Variants in ROBO2 observed in about 807,000 individuals in gnomAD.
ROBO2 encodes the protein roundabout homolog 2.
ROBO2 carries 53 observed loss-of-function variants against 160.8 expected under a neutral mutation model. The ratio of observed to expected loss-of-function variants is 0.33; its 90% CI spans 0.26 to 0.41. ROBO2 has a LOEUF of 0.41. Ranked by LOEUF, ROBO2 falls within the 10% of genes least tolerant of loss-of-function variation. The probability of loss-of-function intolerance (pLI) is 1.00; values close to 1 mark genes in which losing one functional copy is unlikely to be tolerated. For synonymous variants in ROBO2, 664 were observed against 611.7 expected, an observed-to-expected ratio of 1.09 and a Z score of -1.26; for missense variants, 1,577 against 1,722.4, an observed-to-expected ratio of 0.92 and a Z score of 1.49.
intron 2 of ROBO2, among the ~76,000 whole-genome samples, chr3:77,473,995 T>C (rs1468429984): frequency 6.6e-6 from 1 of 152,074 alleles, no homozygotes; most frequent in East Asian, 1.9e-4. Context: ...CCAAAGTTTC[T>C]TACCTGCCTA....
chr3:76,588,866 CTT>C (rs2086230962), intron 2 of ROBO2, among the ~76,000 whole-genome samples: 2 of 152,172 alleles, frequency 1.3e-5, no homozygotes, highest in Non-Finnish European at 2.9e-5. Context: ...TAATTGTTGT[CTT>C]TGTGATCATT....
chr3:77,135,118 A>G (rs1425115713), intron 2 of ROBO2, among the ~76,000 whole-genome samples: 1 of 152,204 alleles, frequency 6.6e-6, no homozygotes, highest in African/African-American at 2.4e-5. Flanking sequence ...TTGCGCAGCA[A>G]TTACACCTCC....
At chr3:76,845,109 G>A (rs1318746854) in intron 2 of ROBO2, among the ~76,000 whole-genome samples, 2 of 151,724 alleles carry the variant, frequency 1.3e-5, no homozygotes, top group Non-Finnish European at 2.9e-5. Flanking sequence ...TAATAACCTT[G>A]GCTAAAACAA....
At chr3:77,297,506 T>G (rs879867672) in intron 2 of ROBO2, among the ~76,000 whole-genome samples, 5 of 152,110 alleles carry the variant, frequency 3.3e-5, no homozygotes. Flanking sequence ...TACAGGCAGA[T>G]CTGGTTAAAG....
At chr3:76,498,164 C>T (rs1222274450) in intron 2 of ROBO2, among the ~76,000 whole-genome samples, 1 of 152,070 alleles carries the variant, frequency 6.6e-6, no homozygotes, top group Admixed American at 6.6e-5. Context: ...TATATGTACT[C>T]CAAACATTAT....
chr3:77,546,132 G>A (rs552339001), intron 6 of ROBO2, among the ~76,000 whole-genome samples: 11 of 152,170 alleles, frequency 7.2e-5, no homozygotes, highest in Admixed American at 2.6e-4. Context: ...TATAAAATAC[G>A]TCTGCTAAAA....
At chr3:76,086,009 C>T (rs76242826) in intron 2 of ROBO2, among the ~76,000 whole-genome samples, 3,655 of 152,194 alleles carry the variant, frequency 0.024, 143 homozygotes, top group African/African-American at 0.082. Context: ...AGGGACTAAC[C>T]GTTTGGGGTA....
chr3:75,931,733 C>T (rs1947550337), intron 1 of ROBO2, among the ~76,000 whole-genome samples: 1 of 151,938 alleles, frequency 6.6e-6, no homozygotes, highest in African/African-American at 2.4e-5. Context: ...CTGATGTTCC[C>T]CCCAACACCC....
intron 2 of ROBO2, among the ~76,000 whole-genome samples, chr3:76,946,148 G>A (rs1318430904): frequency 6.6e-6 from 1 of 152,086 alleles, no homozygotes; most frequent in African/African-American, 2.4e-5. Flanking sequence ...ACTGTTTAGT[G>A]TACGGCAAAG....
intron 2 of ROBO2, among the ~76,000 whole-genome samples, chr3:76,604,005 A>G (rs2087448032): frequency 6.6e-6 from 1 of 152,230 alleles, no homozygotes; most frequent in African/African-American, 2.4e-5. Context: ...CATCAATGAT[A>G]GTCTGTCAGC....
chr3:76,396,179 A>G (rs1414770524), intron 2 of ROBO2, among the ~76,000 whole-genome samples: 1 of 152,186 alleles, frequency 6.6e-6, no homozygotes, highest in African/African-American at 2.4e-5. Context: ...TATGCAAATC[A>G]ATAAATGTAA....
intron 2 of ROBO2, among the ~76,000 whole-genome samples, chr3:76,051,394 T>C (rs140946309): frequency 7.7e-4 from 118 of 152,318 alleles, no homozygotes; most frequent in African/African-American, 2.6e-3. Flanking sequence ...CTACTTTTTG[T>C]AGACTTTGTT....
chr3:77,419,162 A>C (rs1226740440), intron 2 of ROBO2, among the ~76,000 whole-genome samples: 1 of 152,138 alleles, frequency 6.6e-6, no homozygotes, highest in Non-Finnish European at 1.5e-5. Context: ...CCAAGGCAAC[A>C]TAAACTCCTA....
chr3:76,139,291 T>A (rs1369333733), intron 2 of ROBO2, among the ~76,000 whole-genome samples: 1 of 152,042 alleles, frequency 6.6e-6, no homozygotes, highest in Non-Finnish European at 1.5e-5. Context: ...TTTCCTTTTT[T>A]CTCAAAGGGA....
chr3:77,226,396 C>A (rs2151243272), intron 2 of ROBO2, among the ~76,000 whole-genome samples: 1 of 152,010 alleles, frequency 6.6e-6, no homozygotes, highest in Non-Finnish European at 1.5e-5. Flanking sequence ...TTCTTCACCA[C>A]CTCCTCCTAT....
At chr3:76,175,921 A>G (rs562449636) in intron 2 of ROBO2, among the ~76,000 whole-genome samples, 1 of 152,132 alleles carries the variant, frequency 6.6e-6, no homozygotes, top group Non-Finnish European at 1.5e-5. Context: ...TTAGCAGAAA[A>G]TTCAGAAGAA....
chr3:76,207,490 C>A (rs1294803274), intron 2 of ROBO2, among the ~76,000 whole-genome samples: 2 of 151,958 alleles, frequency 1.3e-5, no homozygotes, highest in African/African-American at 2.4e-5. Context: ...TTAAAACACT[C>A]AAAAATAAGA....
At chr3:77,062,243 C>T (rs1430826302) in intron 1 of ROBO2, among the ~76,000 whole-genome samples, 1 of 152,124 alleles carries the variant, frequency 6.6e-6, no homozygotes, top group Non-Finnish European at 1.5e-5. Flanking sequence ...GAGTCTTAGA[C>T]TCTCTGGATT....
intron 2 of ROBO2, among the ~76,000 whole-genome samples, chr3:76,286,751 G>A (rs1220552986): frequency 6.6e-6 from 1 of 152,158 alleles, no homozygotes; most frequent in Non-Finnish European, 1.5e-5. Context: ...TCTGCTTTGT[G>A]TGGGTGGTAA....
Sources: allele counts gnomAD v4.1 joint callset (sites outside exome capture counted in the v4.1 genomes callset), GRCh38; gene constraint gnomAD v4.1.1; transcripts MANE v1.5; gene names NCBI Gene and HGNC (gene_info 2026-07-23, HGNC 2026-07-21).